Variants in BYSL observed in about 807,000 individuals in gnomAD.
BYSL encodes the protein bystin like.
A neutral mutation model predicts 45.4 loss-of-function variants in BYSL; 21 were observed. That is an observed-to-expected ratio of 0.46 (90% CI 0.33 to 0.67). The LOEUF (loss-of-function observed/expected upper bound fraction) is 0.67. Among genes scored for constraint, BYSL ranks in the 30% least tolerant of loss-of-function variants. BYSL has a pLI of 0.02. For missense variants in BYSL, 522 were observed against 578.5 expected, an observed-to-expected ratio of 0.90 and a Z score of 1.00; for synonymous variants, 215 against 231.3, an observed-to-expected ratio of 0.93 and a Z score of 0.64.
In BYSL at chr6:41,931,453, G is replaced by A. The variant is rs747563962; in HGVS notation, c.762G>A (p.Leu254=). The change falls in exon 5 of 7, where the codon CTG becomes CTA. Residue 254 remains leucine, a synonymous_variant. Transcript: ENST00000230340. ...RMAQRFYNLV[L]LPRVRDDVAE... ...CCCAGCGCTTCTACAACCTTGTCCT[G>A]CTCCCTCGAGTACGAGATGACGTTG... 3.7e-6 allele frequency: 6 copies of A among 1,614,014 alleles called. No individual in the cohort carries two copies. The African/African-American group carries it at 4.0e-5, about 11-fold the overall frequency.
At chr6:41,916,798 G>T, upstream of BYSL, 1 of 1,613,998 alleles carries the variant, frequency 6.2e-7, no homozygotes, top group East Asian at 2.2e-5. Context: ...GGCTGCCAAG[G>T]GTAGAGGCGG....
the BYSL span, chr6:41,909,355 G>A: frequency 1.1e-5 from 18 of 1,614,088 alleles, no homozygotes; most frequent in South Asian, 6.6e-5. Context: ...CTGGTGCCCC[G>A]GGTCTCAATC....
At chr6:41,916,720 A>G, upstream of BYSL, 1 of 1,579,342 alleles carries the variant, frequency 6.3e-7, no homozygotes, top group Non-Finnish European at 8.7e-7. Flanking sequence ...AAAGACTTCA[A>G]TTAACTCAAA....
upstream of BYSL, chr6:41,921,080 A>G: frequency 1.9e-6 from 3 of 1,600,758 alleles, no homozygotes; most frequent in Non-Finnish European, 2.6e-6. Flanking sequence ...CTGTCCGCCC[A>G]CAGAAACTCC....
At chr6:41,915,610 A>AC in the BYSL span, among the ~76,000 whole-genome samples, 1 of 151,978 alleles carries the variant, frequency 6.6e-6, no homozygotes, top group African/African-American at 2.4e-5. Context: ...ACACGGTGAA[A>AC]CCCCGTCTCT....
intron 1 of BYSL, among the ~76,000 whole-genome samples, chr6:41,923,317 T>A (rs1582070346): frequency 6.6e-6 from 1 of 151,396 alleles, no homozygotes; most frequent in Non-Finnish European, 1.5e-5. Context: ...AATTCTTTTT[T>A]TTTTTTTTTG....
In BYSL at chr6:41,931,270, C is replaced by T. The variant is rs530933053; in HGVS notation, c.705-126C>T. 112 of 1,107,142 alleles carry T rather than the reference C, an allele frequency of 1.0e-4. No homozygotes were observed. The South Asian group carries it at 1.7e-3, about 17-fold the overall frequency. The allele number at this position is 1,107,142 out of a possible 1,614,324, so 68.6% of individuals were successfully genotyped here. A position where few individuals can be genotyped will look rare whatever the true frequency, so the allele number is the denominator to read the frequency against. On this transcript the variant is annotated intron_variant, in intron 4 of 6. Transcript: ENST00000230340. ...CATGCACACAGCTCCCACACATCCC[C>T]CACTGAAAGAAAGGTCCCATATTTT...
At position 41,930,621 on chromosome 6, in the gene BYSL, TC is replaced by T. The variant is rs745568585; in HGVS notation, c.571-11del. 3 of 1,597,020 alleles carry T rather than the reference TC, an allele frequency of 1.9e-6. No homozygotes were observed. The highest frequency in any genetic ancestry group is 2.6e-6 in the Non-Finnish European group (3 of 1,173,382). On this transcript the variant is annotated splice_polypyrimidine_tract_variant and intron_variant, in intron 3 of 6. Transcript: ENST00000230340. ...TGTGGATGACGATGATTGTTTTACC[TC>T]CCTCATCCCTAGGTATTATCTAAGT...
chr6:41,908,982 A>G, the BYSL span: 1 of 440,696 alleles, frequency 2.3e-6, no homozygotes, highest in South Asian at 5.3e-5. Context: ...CAGGAGTCTG[A>G]GATCAGCCTG....
At chr6:41,913,202 CTG>C in the BYSL span, 1 of 151,978 alleles carries the variant, frequency 6.6e-6, no homozygotes, top group Admixed American at 6.6e-5. Flanking sequence ...GTCTAGCAAT[CTG>C]TGTGGTAACA....
chr6:41,921,511 G>A lies in BYSL; in HGVS notation c.-52G>A, dbSNP rs768267764. 4.3e-5 allele frequency: 65 copies of A among 1,517,132 alleles called. No homozygotes were observed. The highest frequency in any genetic ancestry group is 5.4e-5 in the Non-Finnish European group (61 of 1,133,078). 94.0% of individuals were successfully genotyped at this position (1,517,132 alleles called of 1,614,324 possible). On this transcript the variant is annotated 5_prime_UTR_variant, in exon 1 of 7. Coordinates refer to ENST00000230340, the MANE Select transcript of BYSL (RefSeq NM_004053.4). Reference sequence around the variant, plus strand: ...GAGTCCACCGCGCAAGCGCATCCTGGCCTTTCTTCAGTCCCCACGTGCGAT... The same window carrying A: ...GAGTCCACCGCGCAAGCGCATCCTGACCTTTCTTCAGTCCCCACGTGCGAT...
chr6:41,923,038 C>A (rs759961865), intron 1 of BYSL, among the ~76,000 whole-genome samples: 2 of 152,188 alleles, frequency 1.3e-5, no homozygotes, highest in Non-Finnish European at 2.9e-5. Flanking sequence ...GACCACTTTT[C>A]ACCGCTTTGG....
chr6:41,922,965 C>T (rs960541306), intron 1 of BYSL, among the ~76,000 whole-genome samples: 1 of 152,110 alleles, frequency 6.6e-6, no homozygotes, highest in African/African-American at 2.4e-5. Flanking sequence ...CTGTCTCTCC[C>T]TCCCCACATC....
chr6:41,919,545 A>T (rs1775405487), upstream of BYSL, among the ~76,000 whole-genome samples: 1 of 152,184 alleles, frequency 6.6e-6, no homozygotes, highest in South Asian at 2.1e-4. Context: ...CCCTAAACTG[A>T]CGCTACAAGT....
chr6:41,921,214 A>C (rs1775459298), upstream of BYSL: 1 of 709,550 alleles, frequency 1.4e-6, no homozygotes, highest in African/African-American at 1.8e-5. Flanking sequence ...TGACGCCTCC[A>C]CTGACATCAT....
At chr6:41,919,002 G>A (rs1279698843), upstream of BYSL, among the ~76,000 whole-genome samples, 2 of 149,140 alleles carry the variant, frequency 1.3e-5, no homozygotes, top group African/African-American at 5.0e-5. Flanking sequence ...GGTGGTGGGC[G>A]CCTGTAGTCC....
intron 2 of BYSL, among the ~76,000 whole-genome samples, chr6:41,929,727 C>T (rs1775611118): frequency 6.6e-6 from 1 of 152,188 alleles, no homozygotes; most frequent in African/African-American, 2.4e-5. Flanking sequence ...CTTATTTAAT[C>T]CTTCCATTAA....
At chr6:41,920,907 T>C (rs1278686655), upstream of BYSL, 2 of 1,478,332 alleles carry the variant, frequency 1.4e-6, no homozygotes, top group East Asian at 2.5e-5. Flanking sequence ...CGAGGACATC[T>C]CCCTCAGCTC....
At chr6:41,912,224 A>G in the BYSL span, among the ~76,000 whole-genome samples, 36 of 75,650 alleles carry the variant, frequency 4.8e-4, no homozygotes, top group African/African-American at 2.0e-3. Context: ...TTTTTTTTGT[A>G]AAGATGAGGT....
Sources: allele counts gnomAD v4.1 joint callset (sites outside exome capture counted in the v4.1 genomes callset), GRCh38; gene constraint gnomAD v4.1.1; transcripts MANE v1.5; gene names NCBI Gene and HGNC (gene_info 2026-07-23, HGNC 2026-07-21).